SLC24A2: variants seen among roughly 807,000 people sequenced by gnomAD.
SLC24A2 encodes the protein sodium/potassium/calcium exchanger 2.
A neutral mutation model predicts 62.0 loss-of-function variants in SLC24A2; 36 were observed. The ratio of observed to expected loss-of-function variants is 0.58; its 90% confidence interval spans 0.44 to 0.77. The LOEUF is 0.77. Ranked by LOEUF, SLC24A2 falls within the 30% of genes least tolerant of loss-of-function variation. The pLI is 0.00. For synonymous variants in SLC24A2, 358 were observed against 294.0 expected (o/e 1.22, Z -2.23); for missense variants, 846 against 817.9 (o/e 1.03, Z -0.42).
the SLC24A2 span, among the ~76,000 whole-genome samples, chr9:19,943,891 T>C: frequency 3.9e-5 from 6 of 152,336 alleles, no homozygotes; most frequent in East Asian, 1.2e-3. Flanking sequence ...AAGTTGGGAA[T>C]AGAAAAATGA....
chr9:19,671,966 T>A (rs1819431074), intron 2 of SLC24A2, among the ~76,000 whole-genome samples: 1 of 146,356 alleles, frequency 6.8e-6, no homozygotes, highest in African/African-American at 2.7e-5. Flanking sequence ...AGTATTTTGT[T>A]AAGGATTTTT....
intron 2 of SLC24A2, among the ~76,000 whole-genome samples, chr9:19,778,787 T>TA (rs938258361): frequency 7.9e-5 from 12 of 152,134 alleles, no homozygotes; most frequent in African/African-American, 2.9e-4. Flanking sequence ...GCTCAAAGTT[T>TA]AAAAAAATTT....
the SLC24A2 span, among the ~76,000 whole-genome samples, chr9:20,275,839 G>A: frequency 0.087 from 13,175 of 152,202 alleles, 1,168 homozygotes; most frequent in African/African-American, 0.23. Flanking sequence ...CATCTTACAT[G>A]GTGGCAGGGA....
At chr9:20,102,432 A>G in the SLC24A2 span, among the ~76,000 whole-genome samples, 1 of 137,268 alleles carries the variant, frequency 7.3e-6, no homozygotes, top group Non-Finnish European at 1.6e-5. Context: ...CCTAAGTGGG[A>G]GTTGAACATT....
chr9:19,516,937 T>C (rs947267461), intron 10 of SLC24A2, among the ~76,000 whole-genome samples: 2 of 152,170 alleles, frequency 1.3e-5, no homozygotes, highest in Admixed American at 1.3e-4. Context: ...CAGGCTGAAG[T>C]TTATTCTGGG....
At chr9:19,585,267 ATATTTCTTT>A (rs1282779614) in intron 5 of SLC24A2, among the ~76,000 whole-genome samples, 9 of 152,114 alleles carry the variant, frequency 5.9e-5, no homozygotes, top group Non-Finnish European at 1.3e-4. Flanking sequence ...AAATGTGTGC[ATATTTCTTT>A]TATTCTGTGG....
At chr9:20,152,558 C>T in the SLC24A2 span, among the ~76,000 whole-genome samples, 4 of 151,868 alleles carry the variant, frequency 2.6e-5, no homozygotes, top group Admixed American at 2.6e-4. Flanking sequence ...TAATGGAGTG[C>T]TAACCTTCTT....
chr9:19,977,560 C>T, the SLC24A2 span, among the ~76,000 whole-genome samples: 1 of 152,096 alleles, frequency 6.6e-6, no homozygotes, highest in Non-Finnish European at 1.5e-5. Context: ...ATAGTCTGGA[C>T]ACTCTTCTGA....
At chr9:20,248,556 T>C in the SLC24A2 span, among the ~76,000 whole-genome samples, 1 of 152,138 alleles carries the variant, frequency 6.6e-6, no homozygotes, top group Non-Finnish European at 1.5e-5. Flanking sequence ...GTGTCTCTTT[T>C]ATAAGGGCAC....
the SLC24A2 span, among the ~76,000 whole-genome samples, chr9:20,297,138 G>C: frequency 6.6e-6 from 1 of 152,154 alleles, no homozygotes; most frequent in Non-Finnish European, 1.5e-5. Flanking sequence ...ACCAACAAGT[G>C]GGAGAGCAAG....
At chr9:20,240,599 T>G in the SLC24A2 span, among the ~76,000 whole-genome samples, 3,667 of 152,214 alleles carry the variant, frequency 0.024, 217 homozygotes, top group East Asian at 0.2. Context: ...GAGTAGAACT[T>G]TTTTGAACTC....
the SLC24A2 span, among the ~76,000 whole-genome samples, chr9:20,073,455 T>C: frequency 6.6e-6 from 1 of 152,100 alleles, no homozygotes; most frequent in African/African-American, 2.4e-5. Flanking sequence ...CATAACCTAA[T>C]CACAGATATC....
chr9:20,140,887 A>T, the SLC24A2 span, among the ~76,000 whole-genome samples: 56 of 152,288 alleles, frequency 3.7e-4, 1 homozygote, highest in East Asian at 0.011. Flanking sequence ...TGAAAATTCC[A>T]AACTCTTTCC....
chr9:19,532,862 T>A (rs1833773703), intron 8 of SLC24A2, among the ~76,000 whole-genome samples: 1 of 152,254 alleles, frequency 6.6e-6, no homozygotes. Flanking sequence ...CATGTTTTCA[T>A]ATCTCATTAG....
the SLC24A2 span, among the ~76,000 whole-genome samples, chr9:20,286,177 C>T: frequency 5.1e-3 from 780 of 152,264 alleles, 11 homozygotes; most frequent in Non-Finnish European, 6.2e-3. Flanking sequence ...GAGGTGGGTG[C>T]GCATATCTTT....
intron 2 of SLC24A2, among the ~76,000 whole-genome samples, chr9:19,682,240 G>T (rs1231729273): frequency 6.6e-6 from 1 of 152,130 alleles, no homozygotes; most frequent in Non-Finnish European, 1.5e-5. Context: ...AGGAGTAAGA[G>T]TCTCAATGTC....
At chr9:19,823,797 G>A in the SLC24A2 span, among the ~76,000 whole-genome samples, 2 of 152,148 alleles carry the variant, frequency 1.3e-5, no homozygotes, top group East Asian at 1.9e-4. Flanking sequence ...GTAACCAAAA[G>A]AGCATGGTAC....
Position 19,514,783 on chromosome 9 carries a change from G to C in SLC24A2, c.*1370C>G, listed in dbSNP as rs977751890. ...GTTACAAGAACTTTAACCAAAGCCTGGTCCTGGTACCACTCGACCTGGCAC... is the reference window on the plus strand; with the variant it reads ...GTTACAAGAACTTTAACCAAAGCCTCGTCCTGGTACCACTCGACCTGGCAC... On this transcript the variant is annotated 3_prime_UTR_variant, in exon 11 of 11. Transcript: ENST00000341998. 6 of 152,132 alleles carry C rather than the reference G, an allele frequency of 3.9e-5. No individual in the cohort carries two copies. Among genetic ancestry groups the C allele is most frequent in the African/African-American group, 4.8e-5 (2 of 41,432 alleles). 9.4% of individuals were successfully genotyped at this position (152,132 alleles called of 1,614,324 possible). A position where few individuals can be genotyped will look rare whatever the true frequency, so the allele number is the denominator to read the frequency against.
At chr9:20,125,946 A>T in the SLC24A2 span, among the ~76,000 whole-genome samples, 4 of 152,118 alleles carry the variant, frequency 2.6e-5, no homozygotes, top group African/African-American at 9.7e-5. Context: ...CTGCCAGAGG[A>T]TCTGGGAGGG....
Sources: gnomAD v4.1 joint callset for allele counts (sites outside exome capture counted in the v4.1 genomes callset) on GRCh38, gnomAD v4.1.1 for gene constraint, MANE v1.5 for transcripts, NCBI Gene and HGNC (gene_info 2026-07-23, HGNC 2026-07-21) for gene names.